Variants in SEMA3A observed in about 807,000 individuals in gnomAD.
SEMA3A encodes the protein semaphorin-3A.
A neutral mutation model predicts 97.9 loss-of-function variants in SEMA3A; 29 were observed. The ratio of observed to expected loss-of-function variants is 0.30; its 90% CI spans 0.22 to 0.40. SEMA3A has a LOEUF of 0.40. Ranked by LOEUF, SEMA3A falls within the 10% of genes least tolerant of loss-of-function variation. SEMA3A has a pLI of 1.00. For missense variants in SEMA3A, 763 were observed against 951.3 expected (o/e 0.80, Z 2.60); for synonymous variants, 321 against 323.7 (o/e 0.99, Z 0.09).
chr7:84,022,160 A>AGATTC (rs1279804252), intron 6 of SEMA3A, among the ~76,000 whole-genome samples: 1 of 152,208 alleles, frequency 6.6e-6, no homozygotes, highest in Non-Finnish European at 1.5e-5. Flanking sequence ...TGGAGATCAG[A>AGATTC]GATTCCCATT....
At chr7:84,434,545 C>T (rs1805073537) in intron 1 of SEMA3A, among the ~76,000 whole-genome samples, 1 of 152,014 alleles carries the variant, frequency 6.6e-6, no homozygotes, top group Non-Finnish European at 1.5e-5. Context: ...CAAAACCTGG[C>T]AAAGACACAA....
chr7:84,301,365 G>C (rs1335144830), intron 3 of SEMA3A, among the ~76,000 whole-genome samples: 2 of 152,042 alleles, frequency 1.3e-5, no homozygotes, highest in Non-Finnish European at 2.9e-5. Context: ...TCTTCAGAAT[G>C]CATAAAGTGC....
At chr7:84,319,561 G>T (rs965560281) in intron 2 of SEMA3A, among the ~76,000 whole-genome samples, 4 of 151,634 alleles carry the variant, frequency 2.6e-5, no homozygotes, top group African/African-American at 9.7e-5. Context: ...CCTGCTAGAT[G>T]AACTTGCATT....
intron 1 of SEMA3A, among the ~76,000 whole-genome samples, chr7:84,151,915 T>G (rs916626126): frequency 6.6e-6 from 1 of 152,084 alleles, no homozygotes; most frequent in Non-Finnish European, 1.5e-5. Flanking sequence ...AGGAGACATT[T>G]ATGCAGCCAA....
At chr7:84,258,386 G>A (rs73183191) in intron 3 of SEMA3A, among the ~76,000 whole-genome samples, 5 of 152,204 alleles carry the variant, frequency 3.3e-5, no homozygotes, top group Non-Finnish European at 5.9e-5. Context: ...TGAACTCTTA[G>A]GGAATTCTTT....
At chr7:84,020,023 AT>A (rs1297286262) in intron 6 of SEMA3A, among the ~76,000 whole-genome samples, 6 of 72,586 alleles carry the variant, frequency 8.3e-5, no homozygotes, top group African/African-American at 1.8e-4. Context: ...ATTGTTAATG[AT>A]TTTTTTCTTT....
chr7:84,343,746 T>A (rs1040114544), intron 2 of SEMA3A, among the ~76,000 whole-genome samples: 1 of 152,040 alleles, frequency 6.6e-6, no homozygotes, highest in South Asian at 2.1e-4. Context: ...ACTCCTGTAA[T>A]CTCAGCACCT....
chr7:84,003,111 A>G lies in SEMA3A; in HGVS notation c.1361-1065T>C, dbSNP rs189584318. Among the ~76,000 whole-genome samples the G allele has an allele frequency of 1.1e-4, 17 of 152,282 alleles. No individual in the cohort carries two copies. In the East Asian group the frequency reaches 2.5e-3, roughly 22 times the overall value. ...TTGTCAACAAAGAATAAATTATATG[A>G]GAAAAATAATTCATCGATAACTGTT... On this transcript the variant is annotated intron_variant, in intron 11 of 16. Transcript: ENST00000265362.
chr7:84,129,941 G>A (rs1218740474), intron 2 of SEMA3A, among the ~76,000 whole-genome samples: 1 of 152,058 alleles, frequency 6.6e-6, no homozygotes, highest in Non-Finnish European at 1.5e-5. Context: ...TACAGTGACA[G>A]TAGTAGATGA....
At chr7:84,227,715 C>T (rs1213376319) in intron 3 of SEMA3A, among the ~76,000 whole-genome samples, 4 of 151,990 alleles carry the variant, frequency 2.6e-5, no homozygotes, top group African/African-American at 9.7e-5. Context: ...GTAGGACCAC[C>T]TGTGTGATGT....
rs369890425 is a variant in SEMA3A at position 84,388,271 on chromosome 7, TA to T, written c.-245-16372del. ...GTTCTTAAGCCGTTTTGGATTCTGA[TA>T]TTCTCGGGGAAGTTGGTAGTTAAGT... On this transcript the variant is annotated intron_variant, in intron 1 of 3. Transcript: ENST00000424555. 8.9e-4 allele frequency among the ~76,000 whole-genome samples: 135 copies of T among 152,224 alleles called. 1 individual carries two copies. Among genetic ancestry groups the T allele is most frequent in the African/African-American group, 3.0e-3 (125 of 41,558 alleles).
chr7:84,187,775 T>G (rs1205458315), intron 1 of SEMA3A, among the ~76,000 whole-genome samples: 1 of 152,156 alleles, frequency 6.6e-6, no homozygotes, highest in East Asian at 1.9e-4. Context: ...ATTTGTTAAT[T>G]TTTAAAAGGT....
chr7:84,423,172 G>C (rs551050594), intron 1 of SEMA3A, among the ~76,000 whole-genome samples: 22 of 151,886 alleles, frequency 1.4e-4, no homozygotes, highest in Non-Finnish European at 2.5e-4. Flanking sequence ...TATCAAATAA[G>C]TACAATGTAA....
At chr7:83,963,034 C>T (rs1312132420) in intron 16 of SEMA3A, among the ~76,000 whole-genome samples, 171 bp downstream of exon 16, 1 of 152,160 alleles carries the variant, frequency 6.6e-6, no homozygotes, top group African/African-American at 2.4e-5. Context: ...AGTACAAAGT[C>T]TGTCACGTCA....
intron 3 of SEMA3A, among the ~76,000 whole-genome samples, chr7:84,115,746 T>A (rs1795405219): frequency 6.6e-6 from 1 of 152,138 alleles, no homozygotes; most frequent in African/African-American, 2.4e-5. Context: ...GAAATCTACA[T>A]AAATATGTTT....
chr7:84,335,474 AGTGG>A, intron 2 of SEMA3A, among the ~76,000 whole-genome samples: 1 of 152,216 alleles, frequency 6.6e-6, no homozygotes, highest in East Asian at 1.9e-4. Context: ...TGAGAGAGAA[AGTGG>A]GAGCAAGAGA....
rs760287263 is a variant in SEMA3A at position 84,422,010 on chromosome 7, A to G, written c.-245-50110T>C. On this transcript the variant is annotated intron_variant, in intron 1 of 3. Coordinates refer to the SEMA3A transcript ENST00000424555. The stretch of plus-strand genomic sequence containing the variant: ...TGTTGTGTCTCTGCCAGGTTTTGGC[A>G]TCAGGATGATGCTGGCCTCATAAAA... 5.9e-5 allele frequency among the ~76,000 whole-genome samples: 9 copies of G among 152,248 alleles called. No individual in the cohort carries two copies. The South Asian group carries it at 1.7e-3, about 28-fold the overall frequency.
upstream of SEMA3A, among the ~76,000 whole-genome samples, chr7:84,198,447 C>A (rs990750270): frequency 5.3e-5 from 8 of 152,126 alleles, no homozygotes; most frequent in African/African-American, 1.7e-4. Flanking sequence ...AATGATCCAC[C>A]CACCTCAGCC....
intron 6 of SEMA3A, among the ~76,000 whole-genome samples, chr7:84,020,031 C>CTTTATTTTTTTTTTTTTTT: frequency 1.5e-5 from 1 of 68,510 alleles, no homozygotes; most frequent in Non-Finnish European, 3.3e-5. Flanking sequence ...TGATTTTTTT[C>CTTTATTTTTTTTTTTTTTT]TTTCTTTTTT....
Sources: allele counts gnomAD v4.1 joint callset (sites outside exome capture counted in the v4.1 genomes callset), GRCh38; gene constraint gnomAD v4.1.1; transcripts MANE v1.5; gene names NCBI Gene and HGNC (gene_info 2026-07-23, HGNC 2026-07-21).